The following CSMD1 variants were observed in gnomAD, a reference collection of about 807,000 sequenced individuals.
CSMD1 encodes CUB and Sushi multiple domains 1.
CSMD1 carries 213 observed loss-of-function variants against 417.5 expected under a neutral mutation model. That is an observed-to-expected ratio of 0.51 (90% confidence interval 0.46 to 0.57). CSMD1 has a LOEUF of 0.57. Ranked by LOEUF, CSMD1 falls within the 20% of genes least tolerant of loss-of-function variation. The pLI, the probability that CSMD1 is intolerant of heterozygous loss-of-function variation, is 0.00. For missense variants in CSMD1, 6,923 were observed against 4,529.7 expected (o/e 1.53, Z -15.17); for synonymous variants, 2,862 against 1,736.8 (o/e 1.65, Z -16.11).
intron 12 of CSMD1, among the ~76,000 whole-genome samples, chr8:3,433,371 C>A (rs571087348): frequency 6.6e-6 from 1 of 152,316 alleles, no homozygotes; most frequent in Admixed American, 6.5e-5. Context: ...AGAATCCCTT[C>A]TGCCTTTCAA....
intron 7 of CSMD1, among the ~76,000 whole-genome samples, chr8:3,620,991 G>A (rs912039853): frequency 6.6e-6 from 1 of 152,096 alleles, no homozygotes; most frequent in African/African-American, 2.4e-5. Flanking sequence ...CATCCTTAAG[G>A]TGAGCCCTAA....
chr8:4,712,704 G>GT (rs1380422360), intron 1 of CSMD1, among the ~76,000 whole-genome samples: 4 of 152,062 alleles, frequency 2.6e-5, no homozygotes, highest in Non-Finnish European at 4.4e-5. Context: ...GTGACGGTGT[G>GT]TTTTTTTCTC....
chr8:4,157,578 A>C (rs1796904932), intron 3 of CSMD1, among the ~76,000 whole-genome samples: 1 of 151,950 alleles, frequency 6.6e-6, no homozygotes, highest in South Asian at 2.1e-4. Flanking sequence ...TATTGCTAAG[A>C]CCCTCTGCCG....
At chr8:3,780,696 G>C (rs1554434433) in intron 5 of CSMD1, among the ~76,000 whole-genome samples, 1 of 152,194 alleles carries the variant, frequency 6.6e-6, no homozygotes, top group East Asian at 1.9e-4. Context: ...GGCAGAAAGA[G>C]CCCAGCCTGG....
intron 12 of CSMD1, among the ~76,000 whole-genome samples, chr8:3,452,679 G>T (rs1355043551): frequency 1.3e-5 from 2 of 152,282 alleles, no homozygotes; most frequent in East Asian, 3.9e-4. Flanking sequence ...ACTTGATCAT[G>T]GTGGATAAGG....
At chr8:3,614,940 A>G (rs1802064213) in intron 8 of CSMD1, among the ~76,000 whole-genome samples, 1 of 152,214 alleles carries the variant, frequency 6.6e-6, no homozygotes, top group African/African-American at 2.4e-5. Flanking sequence ...TTTTTCCTCG[A>G]CAAGAGGGAC....
intron 1 of CSMD1, among the ~76,000 whole-genome samples, chr8:4,927,854 A>T (rs1316886997): frequency 6.6e-6 from 1 of 152,096 alleles, no homozygotes; most frequent in Non-Finnish European, 1.5e-5. Flanking sequence ...TTCAAGATAT[A>T]CCCAGAATTC....
intron 3 of CSMD1, among the ~76,000 whole-genome samples, chr8:4,093,965 AATAGATAGATAGATAGATAGATAG>A (rs201105711): frequency 2.2e-5 from 3 of 136,864 alleles, no homozygotes; most frequent in Non-Finnish European, 4.7e-5. Flanking sequence ...CTACATCTCA[AATAGATAGATAGATAGATAGATAG>A]ATAGATAGAT....
At position 3,713,356 on chromosome 8, in the gene CSMD1, T is replaced by A. The variant is rs181734108; in HGVS notation, c.932-4865A>T. Among the ~76,000 whole-genome samples the A allele has an allele frequency of 2.2e-3, 342 of 152,268 alleles. 2 individuals carry two copies. Among genetic ancestry groups the A allele is most frequent in the African/African-American group, 7.8e-3 (324 of 41,556 alleles). The stretch of plus-strand genomic sequence containing the variant: ...AATGGCAGTGGATTCTTATTACTGT[T>A]TTTAAAATGGCAATAATGTAAGAAG... On this transcript the variant is annotated intron_variant, in intron 6 of 69. Transcript: ENST00000635120.
intron 5 of CSMD1, among the ~76,000 whole-genome samples, chr8:3,886,408 C>G (rs964680231): frequency 1.3e-5 from 2 of 152,108 alleles, no homozygotes; most frequent in African/African-American, 4.8e-5. Flanking sequence ...GTTGTGGTAG[C>G]AGTGATTTAG....
intron 7 of CSMD1, among the ~76,000 whole-genome samples, chr8:3,674,606 T>A (rs17325977): frequency 6.6e-6 from 1 of 152,014 alleles, no homozygotes; most frequent in Non-Finnish European, 1.5e-5. Context: ...AACTCCAGAT[T>A]CTAGATATTA....
chr8:4,204,874 T>TGGTC (rs1162375343), intron 3 of CSMD1, among the ~76,000 whole-genome samples: 1 of 152,178 alleles, frequency 6.6e-6, no homozygotes, highest in African/African-American at 2.4e-5. Context: ...TTCCCCAGGC[T>TGGTC]GGTCCTGAAC....
At position 4,568,697 on chromosome 8, in the gene CSMD1, C is replaced by T. The variant is rs112075071; in HGVS notation, c.302+68645G>A. 5.1e-3 allele frequency among the ~76,000 whole-genome samples: 770 copies of T among 152,296 alleles called. 5 individuals are homozygous for T. Among genetic ancestry groups the T allele is most frequent in the African/African-American group, 0.018 (752 of 41,570 alleles). ...TCTAGATCCTTTAGGAATTGCCACACTGTCTTCCACAATGGTTGAACTAAT... is the reference window on the plus strand; with the variant it reads ...TCTAGATCCTTTAGGAATTGCCACATTGTCTTCCACAATGGTTGAACTAAT... On this transcript the variant is annotated intron_variant, in intron 2 of 69. Transcript: ENST00000635120.
intron 3 of CSMD1, among the ~76,000 whole-genome samples, chr8:4,386,994 G>C (rs576800698): frequency 3.9e-5 from 6 of 152,204 alleles, no homozygotes; most frequent in African/African-American, 1.2e-4. Flanking sequence ...TGAAAGGACA[G>C]TAATCGGCTT....
At chr8:4,795,108 T>TA (rs1005103229) in intron 1 of CSMD1, among the ~76,000 whole-genome samples, 1 of 151,688 alleles carries the variant, frequency 6.6e-6, no homozygotes, top group Non-Finnish European at 1.5e-5. Context: ...GTGGAATAGA[T>TA]ACAGCAAAAA....
At chr8:3,255,715 G>T (rs1323061160) in intron 26 of CSMD1, among the ~76,000 whole-genome samples, 1 of 152,174 alleles carries the variant, frequency 6.6e-6, no homozygotes, top group East Asian at 1.9e-4. Flanking sequence ...AGCCCATTGG[G>T]AAAGTGCAGT....
intron 5 of CSMD1, among the ~76,000 whole-genome samples, chr8:3,864,610 C>A (rs966520893): frequency 2.6e-5 from 4 of 152,034 alleles, no homozygotes; most frequent in African/African-American, 9.7e-5. Context: ...TAGTGTTATC[C>A]CTCCCCAGTA....
At chr8:2,947,973 T>C (rs1482071614) in intron 68 of CSMD1, among the ~76,000 whole-genome samples, 1 of 151,860 alleles carries the variant, frequency 6.6e-6, no homozygotes, top group Non-Finnish European at 1.5e-5. Flanking sequence ...ACTTTTTTTA[T>C]ATTCAGCACT....
At chr8:3,893,315 C>T (rs1186306036) in intron 5 of CSMD1, among the ~76,000 whole-genome samples, 2 of 76,804 alleles carry the variant, frequency 2.6e-5, no homozygotes, top group Non-Finnish European at 6.0e-5. Flanking sequence ...AATTTTATGT[C>T]CCAAACTAAT....
Sources: allele counts gnomAD v4.1 joint callset (sites outside exome capture counted in the v4.1 genomes callset), GRCh38; gene constraint gnomAD v4.1.1; transcripts MANE v1.5; gene names NCBI Gene and HGNC (gene_info 2026-07-23, HGNC 2026-07-21).